Variants in HSPG2 observed in about 807,000 individuals in gnomAD.
HSPG2 encodes the protein basement membrane-specific heparan sulfate proteoglycan core protein.
Under a neutral mutation model 526.6 loss-of-function variants are expected in HSPG2, and 278 were observed. The observed-to-expected ratio is 0.53, with a 90% CI of 0.48 to 0.58. HSPG2 has a LOEUF of 0.58. HSPG2 is among the 20% of genes least tolerant of loss of function. HSPG2 has a pLI of 0.00. For missense variants in HSPG2, 5,354 were observed against 6,099.5 expected (o/e 0.88, Z 4.07); for synonymous variants, 2,465 against 2,555.4 (o/e 0.96, Z 1.07).
At chr1:21,921,711 C>T (rs971824659) in intron 1 of HSPG2, among the ~76,000 whole-genome samples, 11 of 152,210 alleles carry the variant, frequency 7.2e-5, no homozygotes, top group Non-Finnish European at 1.0e-4. Flanking sequence ...CCCCAGCATC[C>T]GCTCCTCCCT....
chr1:21,852,317 C>T, intron 52 of HSPG2, 84 bp from the exon 53 acceptor site: 1 of 1,547,348 alleles, frequency 6.5e-7, no homozygotes, highest in South Asian at 1.1e-5. Context: ...GCTAGCTCAG[C>T]CCAGGGTTTC....
chr1:21,889,229 G>A (rs1237630085), intron 6 of HSPG2, among the ~76,000 whole-genome samples: 1 of 151,852 alleles, frequency 6.6e-6, no homozygotes, highest in Non-Finnish European at 1.5e-5. Context: ...AACTGAGATG[G>A]AGACAGGGCC....
At chr1:21,900,103 C>T (rs574082962) in intron 1 of HSPG2, among the ~76,000 whole-genome samples, 2 of 152,346 alleles carry the variant, frequency 1.3e-5, no homozygotes, top group East Asian at 1.9e-4. Flanking sequence ...GGTGAGGGAG[C>T]CCGGCTTCCT....
intron 1 of HSPG2, among the ~76,000 whole-genome samples, chr1:21,917,387 C>T (rs997259213): frequency 6.6e-6 from 1 of 151,564 alleles, no homozygotes; most frequent in Non-Finnish European, 1.5e-5. Context: ...GGGCCATGAT[C>T]GTGCCACTGC....
At position 21,831,703 on chromosome 1, in the gene HSPG2, G is replaced by A. The variant is rs1283870337; in HGVS notation, c.11301C>T (p.Thr3767=). The A allele has an allele frequency of 2.5e-6, 4 of 1,606,552 alleles. No homozygotes were observed. The highest frequency in any genetic ancestry group is 3.4e-6 in the Non-Finnish European group (4 of 1,175,798). Residue 3767 remains threonine (T), a synonymous_variant, in exon 82 of 97, where the codon ACC becomes ACT. Transcript: ENST00000374695. The part of the protein sequence containing the change: ...FHTVTLLRSL[T]QGSLIVGDLA... Reference sequence around the variant, plus strand: ...GGTCACCCACAATCAGGGAGCCCTGGGTGAGGCTGCGCAGCAGGGTCACGG... The same window carrying A: ...GGTCACCCACAATCAGGGAGCCCTGAGTGAGGCTGCGCAGCAGGGTCACGG...
chr1:21,875,862 C>T lies in HSPG2; in HGVS notation c.3183+1G>A. ...TACCCCCAGGGGACAGTATTGCTCA[C>T]CTCCCGGAAAGGCACAATGAAGGTG... On this transcript the variant is annotated splice_donor_variant, in intron 24 of 96. Transcript: ENST00000374695. LOFTEE classifies it high-confidence loss of function. 1 of 1,613,972 alleles carries T rather than the reference C, an allele frequency of 6.2e-7. No homozygotes were observed. The highest frequency in any genetic ancestry group is 2.2e-5 in the East Asian group (1 of 44,884).
rs1335174234 is a variant in HSPG2 at position 21,848,044 on chromosome 1, C to G, written c.7787G>C (p.Gly2596Ala). The change falls in exon 60 of 97, where the codon GGC (glycine) becomes GCC (alanine). Residue 2596 changes from glycine to alanine, a missense_variant. Transcript: ENST00000374695. The surrounding 1 kb of genome is among the most constrained non-coding windows in gnomAD (Gnocchi z 4.9). ...RIPQVTPADSGEYVCHVSNGA... is the reference protein window; with the variant it reads ...RIPQVTPADSAEYVCHVSNGA... ...GTTACTGACGTGACACACGTACTCG[C>G]CCGAGTCTGCCGGAGTCACCTGAGG... 6.2e-7 allele frequency: 1 copy of G among 1,613,132 alleles called. No homozygotes were observed. The highest frequency in any genetic ancestry group is 1.7e-5 in the Admixed American group (1 of 59,976).
At chr1:21,927,581 AC>A (rs1317085398) in intron 1 of HSPG2, among the ~76,000 whole-genome samples, 2 of 151,138 alleles carry the variant, frequency 1.3e-5, no homozygotes, top group African/African-American at 4.9e-5. Flanking sequence ...TCCTTTCTGC[AC>A]CCATGGGAGC....
intron 1 of HSPG2, among the ~76,000 whole-genome samples, chr1:21,925,100 T>G (rs1644150922): frequency 1.3e-5 from 2 of 152,198 alleles, no homozygotes; most frequent in Admixed American, 6.5e-5. Context: ...GCCTCTACCT[T>G]CCTCTGCGCC....
rs578128902 is a variant in HSPG2 at position 21,870,535 on chromosome 1, A to G, written c.4221+1651T>C. Among the ~76,000 whole-genome samples, 576 of 152,350 alleles carry G rather than the reference A, an allele frequency of 3.8e-3. 3 individuals carry two copies. In the Middle Eastern group the frequency reaches 0.061, roughly 16 times the overall value. On this transcript the variant is annotated intron_variant, in intron 33 of 96. Transcript: ENST00000374695. ...TGGTGGTTGCTTGAGAGGCAAGGCC[A>G]GGGGAACCCGGGGGGCTAGATACAG...
intron 83 of HSPG2, 44 bp downstream of exon 83, chr1:21,831,419 C>G (rs767238335): frequency 1.9e-6 from 3 of 1,607,168 alleles, no homozygotes; most frequent in Admixed American, 1.7e-5. Flanking sequence ...TTCCAGCCAG[C>G]CAGGTAAGGC....
chr1:21,910,368 AAAT>A (rs1324712870), intron 1 of HSPG2, among the ~76,000 whole-genome samples: 1 of 152,192 alleles, frequency 6.6e-6, no homozygotes, highest in Non-Finnish European at 1.5e-5. Context: ...ATTCAGCACA[AAAT>A]GCCTCCTCCA....
At chr1:21,838,028 C>A (rs1421942731) in intron 74 of HSPG2, among the ~76,000 whole-genome samples, 1 of 144,714 alleles carries the variant, frequency 6.9e-6, no homozygotes, top group Non-Finnish European at 1.5e-5. Context: ...GCCAGCTACT[C>A]GGGAGGCTGA....
chr1:21,866,694 T>G (rs1178421740), intron 33 of HSPG2, among the ~76,000 whole-genome samples: 2 of 152,216 alleles, frequency 1.3e-5, no homozygotes, highest in Admixed American at 1.3e-4. Flanking sequence ...GACCTTCACG[T>G]GGACAGCTGA....
intron 13 of HSPG2, among the ~76,000 whole-genome samples, chr1:21,884,280 G>A (rs935277825): frequency 1.3e-5 from 2 of 152,198 alleles, no homozygotes; most frequent in African/African-American, 4.8e-5. Flanking sequence ...TCTGAAGCTG[G>A]AAGCTGGCTC....
In HSPG2 at chr1:21,876,653, C is replaced by T; in HGVS notation, c.2686-1G>A. On this transcript the variant is annotated splice_acceptor_variant, in intron 21 of 96. Transcript: ENST00000374695. LOFTEE classifies it high-confidence loss of function. ...TGCACAAGCGCCCCACCACATTGTT[C>T]TGCAGGCACAGAGTTGGAGCTGAAG... is the stretch of plus-strand genomic sequence containing the variant. 6.2e-7 allele frequency: 1 copy of T among 1,614,220 alleles called. No homozygotes were observed. The highest frequency in any genetic ancestry group is 8.5e-7 in the Non-Finnish European group (1 of 1,180,034).
chr1:21,923,791 C>T (rs978762518), intron 1 of HSPG2, among the ~76,000 whole-genome samples: 1 of 140,968 alleles, frequency 7.1e-6, no homozygotes, highest in Non-Finnish European at 1.6e-5. Flanking sequence ...CATAAGCCCA[C>T]GGTGGTGTTT....
chr1:21,930,773 C>CA (rs577150920), intron 1 of HSPG2, among the ~76,000 whole-genome samples: 182 of 108,484 alleles, frequency 1.7e-3, no homozygotes, highest in Middle Eastern at 0.01. Context: ...GACTCCATCT[C>CA]AAAAAAAAAA....
chr1:21,834,217 C>T (rs1349727399), intron 77 of HSPG2, among the ~76,000 whole-genome samples: 1 of 152,154 alleles, frequency 6.6e-6, no homozygotes. Context: ...ACACTAGGGG[C>T]AGTATAGGTA....
Sources: gnomAD v4.1 joint callset for allele counts (sites outside exome capture counted in the v4.1 genomes callset) on GRCh38, gnomAD v4.1.1 for gene constraint, Gnocchi (gnomAD v3.1) non-coding constraint, MANE v1.5 for transcripts, NCBI Gene and HGNC (gene_info 2026-07-23, HGNC 2026-07-21) for gene names.